The following SEMA3D variants were observed in gnomAD, a reference collection of about 807,000 sequenced individuals.
The protein encoded by SEMA3D is semaphorin 3D, also known as semaphorin-3D.
SEMA3D carries 84 observed loss-of-function variants against 100.1 expected under a neutral mutation model. That is an observed-to-expected ratio of 0.84 (90% confidence interval 0.70 to 1.01). The LOEUF is 1.01. Ranked by LOEUF, SEMA3D falls within the 50% of genes least tolerant of loss-of-function variation. SEMA3D has a pLI of 0.00. For synonymous variants in SEMA3D, 312 were observed against 320.7 expected (o/e 0.97, Z 0.29); for missense variants, 875 against 934.1 (o/e 0.94, Z 0.82).
At chr7:85,183,357 A>C (rs1791451871) in intron 1 of SEMA3D, among the ~76,000 whole-genome samples, 1 of 152,118 alleles carries the variant, frequency 6.6e-6, no homozygotes, top group Non-Finnish European at 1.5e-5. Context: ...TTTAACTTCA[A>C]CCCCAAGCAA....
chr7:85,212,441 T>G, the SEMA3D span, among the ~76,000 whole-genome samples: 1 of 152,128 alleles, frequency 6.6e-6, no homozygotes, highest in African/African-American at 2.4e-5. Flanking sequence ...GTTAAACTTG[T>G]ATTTTTCCTG....
At chr7:85,200,394 A>G in the SEMA3D span, among the ~76,000 whole-genome samples, 22 of 152,100 alleles carry the variant, frequency 1.4e-4, no homozygotes, top group African/African-American at 5.1e-4. Flanking sequence ...TTGGAACTGG[A>G]GCAAAGGTGA....
At chr7:85,201,333 CA>C in the SEMA3D span, among the ~76,000 whole-genome samples, 3 of 152,114 alleles carry the variant, frequency 2.0e-5, no homozygotes, top group Admixed American at 6.5e-5. Flanking sequence ...TACAATTCCC[CA>C]GTAGTCCATG....
At position 85,022,461 on chromosome 7, in the gene SEMA3D, T is replaced by G; in HGVS notation, c.1344A>C (p.Arg448Ser). Residue 448 changes from arginine (R) to serine (S), a missense_variant, in exon 13 of 19, where the codon AGA (arginine) becomes AGC (serine). Physicochemically the swap from Arg to Ser is moderately radical, Grantham distance 110. Transcript: ENST00000284136. Reference sequence around the variant, plus strand: ...CATGATCCACCACTATCTGTGTCAGTCTGTAATCCACATTGATTCTCTTGA... The same window carrying G: ...CATGATCCACCACTATCTGTGTCAGGCTGTAATCCACATTGATTCTCTTGA... ...PTFKRINVDY[R>S]LTQIVVDHVI... 3 of 1,612,598 alleles carry G rather than the reference T, an allele frequency of 1.9e-6. No homozygotes were observed. The highest frequency in any genetic ancestry group is 2.5e-6 in the Non-Finnish European group (3 of 1,178,994).
At chr7:85,185,243 G>T (rs1160628686) in intron 1 of SEMA3D, among the ~76,000 whole-genome samples, 1 of 152,100 alleles carries the variant, frequency 6.6e-6, no homozygotes. Flanking sequence ...TTACACAATA[G>T]CAGCAGCACC....
intron 2 of SEMA3D, chr7:85,151,691 T>C: frequency 1.0e-6 from 1 of 982,796 alleles, no homozygotes; most frequent in Non-Finnish European, 1.2e-6. Flanking sequence ...TTTCATATTC[T>C]CAAAGCATCT....
At chr7:85,199,195 A>G in the SEMA3D span, among the ~76,000 whole-genome samples, 1 of 152,078 alleles carries the variant, frequency 6.6e-6, no homozygotes, top group Non-Finnish European at 1.5e-5. Flanking sequence ...GGGGATTTGA[A>G]GGGCCAAATA....
chr7:85,120,207 C>T (rs1789369403), intron 3 of SEMA3D, among the ~76,000 whole-genome samples: 1 of 151,920 alleles, frequency 6.6e-6, no homozygotes, highest in Non-Finnish European at 1.5e-5. Flanking sequence ...TAATTCAATA[C>T]TATTTATACT....
At chr7:85,031,419 G>T (rs1018660939) in intron 12 of SEMA3D, among the ~76,000 whole-genome samples, 4 of 152,014 alleles carry the variant, frequency 2.6e-5, no homozygotes, top group African/African-American at 9.7e-5. Flanking sequence ...ATTAAAGTAA[G>T]ATGTGTTCCT....
chr7:85,162,021 G>C (rs1215396413), intron 1 of SEMA3D, among the ~76,000 whole-genome samples: 1 of 151,880 alleles, frequency 6.6e-6, no homozygotes, highest in Admixed American at 6.6e-5. Flanking sequence ...TCTGTGCTTT[G>C]AGAGTCAATA....
intron 1 of SEMA3D, among the ~76,000 whole-genome samples, chr7:85,173,245 T>G (rs1791134917): frequency 6.6e-6 from 1 of 152,214 alleles, no homozygotes. Context: ...CAGTAGTAGA[T>G]AGTTTAAAAG....
At chr7:85,140,286 T>A (rs995559756) in intron 2 of SEMA3D, 1 of 976,672 alleles carries the variant, frequency 1.0e-6, no homozygotes, top group African/African-American at 1.8e-5. Context: ...TTTCCTCAAA[T>A]ATGCAAAACT....
chr7:85,097,929 C>A lies in SEMA3D; in HGVS notation c.188G>T (p.Gly63Val). Reference sequence around the variant, plus strand: ...TTGAAAATCCAGTCCTTCTGATGAACCCAAAAAGGGAATACAGCTATTTGA... The same window carrying A: ...TTGAAAATCCAGTCCTTCTGATGAAACCAAAAAGGGAATACAGCTATTTGA... ...LLSNSCIPFL[G>V]SSEGLDFQTL... The change falls in exon 4 of 19, where the codon GGT (glycine) becomes GTT (valine). Residue 63 changes from glycine to valine, a missense_variant. By Grantham distance (109) the Gly-to-Val change is moderately radical. Transcript: ENST00000284136. 1 of 1,603,720 alleles carries A rather than the reference C, an allele frequency of 6.2e-7. No homozygotes were observed. The highest frequency in any genetic ancestry group is 8.5e-7 in the Non-Finnish European group (1 of 1,174,632).
chr7:85,174,481 A>G (rs1034840804), intron 1 of SEMA3D, among the ~76,000 whole-genome samples: 4 of 152,204 alleles, frequency 2.6e-5, no homozygotes, highest in Admixed American at 6.5e-5. Flanking sequence ...AAACAGAGGC[A>G]TTAGATTCTG....
intron 1 of SEMA3D, among the ~76,000 whole-genome samples, chr7:85,172,233 C>G (rs545983776): frequency 2.0e-4 from 30 of 151,798 alleles, no homozygotes; most frequent in Non-Finnish European, 3.8e-4. Context: ...TATCCTATCT[C>G]TAAAACATTT....
At chr7:85,106,359 T>G (rs946926912) in intron 3 of SEMA3D, among the ~76,000 whole-genome samples, 8 of 152,028 alleles carry the variant, frequency 5.3e-5, no homozygotes, top group Non-Finnish European at 1.2e-4. Flanking sequence ...CATCGGAAGG[T>G]CTTAACTTAA....
chr7:85,182,492 C>T (rs1046478069), intron 1 of SEMA3D, among the ~76,000 whole-genome samples: 5 of 152,130 alleles, frequency 3.3e-5, no homozygotes, highest in African/African-American at 9.7e-5. Flanking sequence ...CATTGAACAA[C>T]ATGAAGGTAT....
At chr7:85,200,103 A>G in the SEMA3D span, among the ~76,000 whole-genome samples, 3 of 152,182 alleles carry the variant, frequency 2.0e-5, no homozygotes, top group Admixed American at 6.5e-5. Flanking sequence ...GCTCAGTCTC[A>G]GGTATGTCTT....
In SEMA3D at chr7:85,150,539, A is replaced by G. The variant is rs190405620; in HGVS notation, c.-41+3069T>C. Among the ~76,000 whole-genome samples the G allele has an allele frequency of 8.4e-3, 1,240 of 147,394 alleles. 18 individuals are homozygous for G. The highest frequency in any genetic ancestry group is 0.011 in the Non-Finnish European group (738 of 66,922). Reference sequence around the variant, plus strand: ...AGGGATATATATATTATATATATAGAATATATATATATTCTGTAAATAGAA... The same window carrying G: ...AGGGATATATATATTATATATATAGGATATATATATATTCTGTAAATAGAA... On this transcript the variant is annotated intron_variant, in intron 2 of 18. Transcript: ENST00000284136.
Sources: gnomAD v4.1 joint callset for allele counts (sites outside exome capture counted in the v4.1 genomes callset) on GRCh38, gnomAD v4.1.1 for gene constraint, MANE v1.5 for transcripts, NCBI Gene and HGNC (gene_info 2026-07-23, HGNC 2026-07-21) for gene names.